CHST9: variants seen among roughly 807,000 people sequenced by gnomAD.
The protein encoded by CHST9 is GalNAc-4-sulfotransferase 2.
A neutral mutation model predicts 44.4 loss-of-function variants in CHST9; 41 were observed. The observed-to-expected ratio is 0.92, with a 90% CI of 0.72 to 1.20. The LOEUF (loss-of-function observed/expected upper bound fraction) is 1.20, where lower values mean the gene tolerates loss of function less well. Ranked by LOEUF, CHST9 falls within the 50% of genes most tolerant of loss-of-function variation. The probability of loss-of-function intolerance (pLI) is 0.00; values close to 1 mark genes in which losing one functional copy is unlikely to be tolerated. For synonymous variants in CHST9, 171 were observed against 178.4 expected (o/e 0.96, Z 0.33); for missense variants, 504 against 516.5 (o/e 0.98, Z 0.23).
chr18:26,930,678 T>A (rs1473618404), intron 5 of CHST9: 2 of 153,722 alleles, frequency 1.3e-5, no homozygotes, highest in Non-Finnish European at 2.9e-5. Context: ...AGGGCAAGTA[T>A]AGGTTGCACT....
At chr18:26,931,801 A>T (rs2055882712) in intron 5 of CHST9, among the ~76,000 whole-genome samples, 1 of 152,166 alleles carries the variant, frequency 6.6e-6, no homozygotes, top group African/African-American at 2.4e-5. Flanking sequence ...AAATAATTGA[A>T]TTTAATCCTC....
chr18:27,053,137 GAAGAAGAAGAA>G (rs1568150799), intron 2 of CHST9, among the ~76,000 whole-genome samples: 205 of 83,794 alleles, frequency 2.4e-3, no homozygotes, highest in African/African-American at 9.2e-3. Context: ...AGAGGAAGAA[GAAGAAGAAGAA>G]GAAGAAGAAG....
At chr18:27,050,365 T>C (rs1238626849) in intron 2 of CHST9, among the ~76,000 whole-genome samples, 1 of 152,232 alleles carries the variant, frequency 6.6e-6, no homozygotes, top group African/African-American at 2.4e-5. Flanking sequence ...GTGAGGACCG[T>C]GGTTTGGGAT....
chr18:27,053,218 G>GGAAGAAGAA (rs1198842599), intron 2 of CHST9, among the ~76,000 whole-genome samples: 1,487 of 32,320 alleles, frequency 0.046, 170 homozygotes, highest in Middle Eastern at 0.19. Context: ...AGGAGGAAGA[G>GGAAGAAGAA]GAAGAAGAAG....
chr18:26,970,269 C>A (rs2056524373), intron 4 of CHST9, among the ~76,000 whole-genome samples: 1 of 152,340 alleles, frequency 6.6e-6, no homozygotes, highest in East Asian at 1.9e-4. Flanking sequence ...TGACATTAGA[C>A]TGCTTTATTT....
intron 3 of CHST9, among the ~76,000 whole-genome samples, chr18:27,029,524 G>A (rs543696903): frequency 2.0e-5 from 3 of 152,230 alleles, no homozygotes; most frequent in South Asian, 2.1e-4. Flanking sequence ...AAGTACAGTT[G>A]TCTCTTGGTA....
chr18:26,954,077 T>G (rs1366924048), intron 4 of CHST9, among the ~76,000 whole-genome samples: 1 of 152,112 alleles, frequency 6.6e-6, no homozygotes, highest in Non-Finnish European at 1.5e-5. Flanking sequence ...CCCCCTCTTT[T>G]CACCATCAAA....
intron 4 of CHST9, among the ~76,000 whole-genome samples, chr18:26,989,725 GGAT>G (rs1232462817): frequency 2.6e-5 from 4 of 152,178 alleles, no homozygotes; most frequent in Non-Finnish European, 5.9e-5. Context: ...CAGCACTTTT[GGAT>G]TGCTTGAGGC....
chr18:27,061,789 G>T (rs2143615948), intron 2 of CHST9, among the ~76,000 whole-genome samples: 1 of 152,228 alleles, frequency 6.6e-6, no homozygotes, highest in South Asian at 2.1e-4. Flanking sequence ...TGTTCTCGAT[G>T]AGAGCAAAGA....
intron 2 of CHST9, among the ~76,000 whole-genome samples, chr18:27,060,541 T>G (rs953897465): frequency 1.3e-5 from 2 of 152,226 alleles, no homozygotes; most frequent in East Asian, 3.9e-4. Flanking sequence ...GGGTCCCAAC[T>G]AGATGCAGTC....
intron 4 of CHST9, among the ~76,000 whole-genome samples, chr18:26,998,752 A>G (rs1006379050): frequency 2.0e-5 from 3 of 151,722 alleles, no homozygotes; most frequent in South Asian, 2.1e-4. Context: ...AAAAAAAAAA[A>G]AAAGAAAGAA....
At chr18:27,155,779 TA>T (rs1234673114) in intron 1 of CHST9, among the ~76,000 whole-genome samples, 1 of 152,108 alleles carries the variant, frequency 6.6e-6, no homozygotes, top group African/African-American at 2.4e-5. Flanking sequence ...TACCTTTTTG[TA>T]AATCCAGGGC....
At chr18:27,011,296 T>C (rs1241542039) in intron 4 of CHST9, among the ~76,000 whole-genome samples, 1 of 152,206 alleles carries the variant, frequency 6.6e-6, no homozygotes, top group Admixed American at 6.5e-5. Flanking sequence ...AGGAATTATT[T>C]TAACAGAGCA....
rs369956600 is a variant in CHST9 at position 27,094,566 on chromosome 18, C to T, written c.122-46063G>A. On this transcript the variant is annotated intron_variant, in intron 2 of 5. Coordinates refer to ENST00000618847, the MANE Select transcript of CHST9 (RefSeq NM_031422.6). The stretch of plus-strand genomic sequence containing the variant: ...GATAATAATGTGCAGTTACATGAAA[C>T]GTTAGCAATGAAAATTATAAATGAT... Among the ~76,000 whole-genome samples the T allele has an allele frequency of 4.6e-5, 7 of 152,096 alleles. No individual in the cohort carries two copies. In the East Asian group the frequency reaches 1.2e-3, roughly 25 times the overall value.
At chr18:26,970,207 T>G (rs111504624) in intron 4 of CHST9, among the ~76,000 whole-genome samples, 1 of 152,180 alleles carries the variant, frequency 6.6e-6, no homozygotes, top group Non-Finnish European at 1.5e-5. Context: ...AAAATACAGA[T>G]TTCTGATCAA....
At chr18:27,095,057 C>T (rs2058104362) in intron 2 of CHST9, among the ~76,000 whole-genome samples, 1 of 152,022 alleles carries the variant, frequency 6.6e-6, no homozygotes, top group Non-Finnish European at 1.5e-5. Context: ...GGGGAAGATC[C>T]CCTTCAAAAT....
chr18:27,031,632 C>T (rs765344453), intron 3 of CHST9, among the ~76,000 whole-genome samples: 3 of 152,112 alleles, frequency 2.0e-5, no homozygotes, highest in Non-Finnish European at 4.4e-5. Flanking sequence ...AAAAACCTTG[C>T]TTTTTCCTTT....
chr18:27,152,290 G>A (rs1461857101), intron 1 of CHST9, among the ~76,000 whole-genome samples: 6 of 151,510 alleles, frequency 4.0e-5, no homozygotes, highest in African/African-American at 1.4e-4. Flanking sequence ...CTTTGTTTTA[G>A]AAGAAAAAGT....
At chr18:27,082,881 C>T (rs2057974126) in intron 2 of CHST9, among the ~76,000 whole-genome samples, 1 of 152,030 alleles carries the variant, frequency 6.6e-6, no homozygotes, top group South Asian at 2.1e-4. Context: ...GGTTTAAATC[C>T]CTATAGCAAT....
Sources: allele counts gnomAD v4.1 joint callset (sites outside exome capture counted in the v4.1 genomes callset), GRCh38; gene constraint gnomAD v4.1.1; transcripts MANE v1.5; gene names NCBI Gene and HGNC (gene_info 2026-07-23, HGNC 2026-07-21).